Variants in AXIN2 observed in about 807,000 individuals in gnomAD.
AXIN2 encodes axin-2.
In AXIN2, 21 loss-of-function variants were observed where a neutral mutation model predicts 74.7. The observed-to-expected ratio is 0.28, with a 90% CI of 0.20 to 0.40. The LOEUF is 0.40. AXIN2 is among the 10% of genes least tolerant of loss of function. AXIN2 has a pLI of 1.00. For synonymous variants in AXIN2, 532 were observed against 454.9 expected (o/e 1.17, Z -2.16); for missense variants, 1,144 against 1,111.1 (o/e 1.03, Z -0.42).
intron 3 of AXIN2, among the ~76,000 whole-genome samples, chr17:65,545,370 G>A (rs1396399830): frequency 6.6e-6 from 1 of 152,174 alleles, no homozygotes; most frequent in Non-Finnish European, 1.5e-5. Flanking sequence ...AAGGATTTTG[G>A]TGGGAGTCTG....
Position 65,534,034 on chromosome 17 carries a change from G to A in AXIN2, c.2283C>T (p.Ala761=), listed in dbSNP as rs2144419743. 1.9e-6 allele frequency: 3 copies of A among 1,614,236 alleles called. No homozygotes were observed. The highest frequency in any genetic ancestry group is 1.7e-6 in the Non-Finnish European group (2 of 1,180,054). ...AAAAGTAAGTGACAACCAACTCACT[G>A]GCCTGGAGCGCGTGGACACCTGCCA... ...KKLAGVHALQ[A]SELVVTYFFC... The change falls in exon 10 of 11, where the codon GCC becomes GCT. Residue 761 remains alanine (A), a synonymous_variant. Transcript: ENST00000307078.
intron 10 of AXIN2, 114 bp downstream of exon 10, chr17:65,533,798 C>A: frequency 1.0e-6 from 1 of 958,774 alleles, no homozygotes; most frequent in South Asian, 1.4e-5. Flanking sequence ...GCCTGCTGAG[C>A]CCCCTCCCAC....
chr17:65,528,659 T>C lies in AXIN2; in HGVS notation c.*1317A>G, dbSNP rs1189325591. On this transcript the variant is annotated 3_prime_UTR_variant, in exon 11 of 11. Coordinates refer to ENST00000307078, the MANE Select transcript of AXIN2 (RefSeq NM_004655.4). Reference sequence around the variant, plus strand: ...CCTTAAATGAACTCTTTATAATGCATAATTTACAGTATAAGTAGAACAAAA... The same window carrying C: ...CCTTAAATGAACTCTTTATAATGCACAATTTACAGTATAAGTAGAACAAAA... 4 of 517,534 alleles carry C rather than the reference T, an allele frequency of 7.7e-6. No homozygotes were observed. The highest frequency in any genetic ancestry group is 4.8e-5 in the South Asian group (3 of 62,562). The allele number at this position is 517,534 out of a possible 1,614,324, so 32.1% of individuals were successfully genotyped here. A position where few individuals can be genotyped will look rare whatever the true frequency, so the allele number is the denominator to read the frequency against.
chr17:65,536,840 C>A (rs1296353967), intron 7 of AXIN2, 29 bp downstream of exon 7: 1 of 1,612,036 alleles, frequency 6.2e-7, no homozygotes, highest in Admixed American at 1.7e-5. Context: ...ATGACCCTCG[C>A]GGCCGCGGCG....
At chr17:65,533,623 C>G (rs1381712822) in intron 10 of AXIN2, among the ~76,000 whole-genome samples, 1 of 152,214 alleles carries the variant, frequency 6.6e-6, no homozygotes, top group Non-Finnish European at 1.5e-5. Flanking sequence ...CCTGTCGGTG[C>G]AAGCAGCTGC....
chr17:65,538,587 T>C (rs2043987178), intron 4 of AXIN2, among the ~76,000 whole-genome samples: 1 of 143,784 alleles, frequency 7.0e-6, no homozygotes, highest in Non-Finnish European at 1.5e-5. Context: ...CGAGAGGCCC[T>C]GCTTGTTCTT....
chr17:65,530,556 C>T (rs1268894146), intron 10 of AXIN2, among the ~76,000 whole-genome samples: 1 of 152,250 alleles, frequency 6.6e-6, no homozygotes, highest in Non-Finnish European at 1.5e-5. Context: ...GAACCCATCA[C>T]ACCTGGAGAG....
chr17:65,547,918 A>T (rs534461054), intron 3 of AXIN2, among the ~76,000 whole-genome samples: 1 of 152,368 alleles, frequency 6.6e-6, no homozygotes, highest in Admixed American at 6.5e-5. Flanking sequence ...ATACCACAAC[A>T]AAGTACACAA....
chr17:65,558,545 C>G lies in AXIN2; in HGVS notation c.76G>C (p.Val26Leu). Residue 26 changes from valine to leucine, a missense_variant, in exon 2 of 11, where the codon GTG becomes CTG. Transcript: ENST00000307078. ...GGGGTCTCCCCTTCTTCCCCTGGCA[C>G]TGGGGGCCGCGGGGCATCCTCACGG... ...SFREDAPRPP[V>L]PGEEGETPPC... 6.2e-7 allele frequency: 1 copy of G among 1,613,592 alleles called. No individual in the cohort carries two copies. The highest frequency in any genetic ancestry group is 8.5e-7 in the Non-Finnish European group (1 of 1,180,028).
At position 65,538,229 on chromosome 17, in the gene AXIN2, C is replaced by G. The variant is rs765441834; in HGVS notation, c.1174G>C (p.Glu392Gln). ...KLELESRHSL[E>Q]ERLQQIREDE... ...TCTCGGATCTGCTGCAGGCGCTCCT[C>G]CAGGCTGTGGCGGCTCTCCAACTCC... The change falls in exon 5 of 11, where the codon GAG (glutamate) becomes CAG (glutamine). Residue 392 changes from glutamate (E) to glutamine (Q), a missense_variant. Glu to Gln is a conservative substitution (Grantham distance 29). Around this residue, in one of 4 missense-constraint regions of AXIN2, gnomAD observed 1,053 missense variants for 973.5 expected, o/e 1.08. Coordinates refer to ENST00000307078, the MANE Select transcript of AXIN2 (RefSeq NM_004655.4). 6.2e-7 allele frequency: 1 copy of G among 1,614,242 alleles called. No individual in the cohort carries two copies. Among genetic ancestry groups the G allele is most frequent in the Non-Finnish European group, 8.5e-7 (1 of 1,180,040 alleles).
intron 4 of AXIN2, 150 bp from the exon 5 acceptor site, chr17:65,538,493 C>T (rs1223814986): frequency 3.0e-6 from 3 of 999,824 alleles, no homozygotes; most frequent in Non-Finnish European, 4.4e-6. Context: ...CTGCTCGGGA[C>T]TTTTATGCGC....
chr17:65,548,715 G>A (rs1053183101), intron 3 of AXIN2, among the ~76,000 whole-genome samples: 2 of 152,256 alleles, frequency 1.3e-5, no homozygotes, highest in Admixed American at 6.5e-5. Context: ...CTCCTCATGA[G>A]ACTCACTGAG....
chr17:65,546,833 A>G (rs2044126085), intron 3 of AXIN2, among the ~76,000 whole-genome samples: 1 of 152,104 alleles, frequency 6.6e-6, no homozygotes, highest in South Asian at 2.1e-4. Flanking sequence ...CTATCCATCC[A>G]AGGCAGCTTT....
Position 65,536,301 on chromosome 17 carries a change from A to T in AXIN2, c.2141+19T>A, listed in dbSNP as rs959818231. On this transcript the variant is annotated intron_variant, in intron 8 of 10. Transcript: ENST00000307078. ...AACCCAATCCCTGCCTCAACCTAGGACCCTTCACTTCCACTCACCGCTGCT... is the reference window on the plus strand; with the variant it reads ...AACCCAATCCCTGCCTCAACCTAGGTCCCTTCACTTCCACTCACCGCTGCT... The T allele has an allele frequency of 2.2e-5, 35 of 1,593,472 alleles. No homozygotes were observed. Among genetic ancestry groups the T allele is most frequent in the Non-Finnish European group, 2.5e-5 (29 of 1,170,908 alleles).
intron 2 of AXIN2, among the ~76,000 whole-genome samples, chr17:65,556,119 C>T (rs774075124): frequency 6.6e-5 from 10 of 152,126 alleles, no homozygotes; most frequent in South Asian, 2.1e-4. Context: ...CAGGCTGAGT[C>T]GCAACTGCCC....
At chr17:65,556,974 C>T (rs1280411270) in intron 2 of AXIN2, among the ~76,000 whole-genome samples, 1 of 152,186 alleles carries the variant, frequency 6.6e-6, no homozygotes, top group Non-Finnish European at 1.5e-5. Context: ...AACAAGAGGT[C>T]TGAAGTTGCC....
Position 65,538,408 on chromosome 17 carries a change from C to T in AXIN2, c.1060-65G>A, listed in dbSNP as rs114256284. On this transcript the variant is annotated intron_variant, in intron 4 of 10. Transcript: ENST00000307078. ...CAGGCTAGGTGGGCGGTGGCTTGGC[C>T]GGAGCTTCCCGCACCAGGCGCTGTG... The T allele has an allele frequency of 4.7e-4, 757 of 1,601,998 alleles. 2 individuals carry two copies. The African/African-American group carries it at 7.5e-3, about 16-fold the overall frequency.
At chr17:65,556,435 CCAGACAACTTGACTCCACAAGCATAAAGA>C (rs1171334803) in intron 2 of AXIN2, among the ~76,000 whole-genome samples, 3 of 152,288 alleles carry the variant, frequency 2.0e-5, no homozygotes, top group East Asian at 3.9e-4. Context: ...GATCTTCCTC[CCAGACAACTTGACTCCACAAGCATAAAGA>C]CACTGAAACA....
chr17:65,560,209 G>C (rs1295766637), intron 1 of AXIN2: 1 of 152,262 alleles, frequency 6.6e-6, no homozygotes, highest in Non-Finnish European at 1.5e-5. Flanking sequence ...CGGAGTCTCT[G>C]CCTCTCCGCA....
Sources: gnomAD v4.1 joint callset for allele counts (sites outside exome capture counted in the v4.1 genomes callset) on GRCh38, gnomAD v4.1.1 for gene constraint, gnomAD v4.1.1 regional missense constraint, MANE v1.5 for transcripts, NCBI Gene and HGNC (gene_info 2026-07-23, HGNC 2026-07-21) for gene names.